The following ZNF793 variants were observed in gnomAD, a reference collection of about 807,000 sequenced individuals.
The protein encoded by ZNF793 is zinc finger protein 793.
A neutral mutation model predicts 12.4 loss-of-function variants in ZNF793; 5 were observed. The observed-to-expected ratio is 0.40, with a 90% CI of 0.21 to 0.84. The LOEUF is 0.84. Among genes scored for constraint, ZNF793 ranks in the 40% least tolerant of loss-of-function variants. The pLI is 0.35. For synonymous variants in ZNF793, 162 were observed against 172.4 expected (o/e 0.94, Z 0.47); for missense variants, 456 against 495.0 (o/e 0.92, Z 0.75).
intron 2 of ZNF793, among the ~76,000 whole-genome samples, chr19:37,518,630 C>CAAAA (rs61641247): frequency 1.2e-5 from 1 of 84,450 alleles, no homozygotes; most frequent in Non-Finnish European, 3.0e-5. Context: ...CCTGTCTCTA[C>CAAAA]AAAAAAAAAA....
chr19:37,522,361 C>A (rs2042382738), intron 3 of ZNF793, among the ~76,000 whole-genome samples, 171 bp from the exon 4 acceptor site: 2 of 151,970 alleles, frequency 1.3e-5, no homozygotes, highest in African/African-American at 4.8e-5. Flanking sequence ...GCACACCCGG[C>A]AAATTTTTGT....
Position 37,542,401 on chromosome 19 carries a change from AAAAG to A in ZNF793, c.*4526_*4529del, listed in dbSNP as rs1334535966. 3 of 366,964 alleles carry A rather than the reference AAAAG, an allele frequency of 8.2e-6. No homozygotes were observed. In the Admixed American group the frequency reaches 1.0e-4, roughly 12 times the overall value. 22.7% of individuals were successfully genotyped at this position (366,964 alleles called of 1,614,324 possible). A position where few individuals can be genotyped will look rare whatever the true frequency, so the allele number is the denominator to read the frequency against. Reference sequence around the variant, plus strand: ...GAGCAAAAAGATTCCATCTCAAAAGAAAAGAAAAGAAATCTGTTAATATTATTAA... The same window carrying A: ...GAGCAAAAAGATTCCATCTCAAAAGAAAAAGAAATCTGTTAATATTATTAA... On this transcript the variant is annotated 3_prime_UTR_variant, in exon 8 of 8. Coordinates refer to ENST00000627814, the MANE Select transcript of ZNF793 (RefSeq NM_001013659.3).
At chr19:37,506,683 A>G (rs573278243), upstream of ZNF793, 12 of 152,320 alleles carry the variant, frequency 7.9e-5, no homozygotes, top group Admixed American at 3.3e-4. Flanking sequence ...AAGAGCAGAG[A>G]CGACATCTCT....
chr19:37,529,416 G>T (rs1169062658), intron 5 of ZNF793, among the ~76,000 whole-genome samples: 1 of 151,820 alleles, frequency 6.6e-6, no homozygotes, highest in African/African-American at 2.4e-5. Context: ...CTTTAAAACT[G>T]CCTGTGAGTT....
In ZNF793 at chr19:37,537,967, A is replaced by G; in HGVS notation, c.*88A>G. On this transcript the variant is annotated 3_prime_UTR_variant, in exon 8 of 8. Transcript: ENST00000627814. ...CACTTTGTCACCCAGGCTGGAGTGC[A>G]GTGGCGCGATCTCGGCTTACTGCAA... 1 of 1,402,752 alleles carries G rather than the reference A, an allele frequency of 7.1e-7. No individual in the cohort carries two copies. Among genetic ancestry groups the G allele is most frequent in the Non-Finnish European group, 9.3e-7 (1 of 1,072,614 alleles). 86.9% of individuals were successfully genotyped at this position (1,402,752 alleles called of 1,614,324 possible). A position where few individuals can be genotyped will look rare whatever the true frequency, so the allele number is the denominator to read the frequency against.
At chr19:37,536,182 ATC>A (rs943696153) in intron 7 of ZNF793, 3 of 339,580 alleles carry the variant, frequency 8.8e-6, no homozygotes, top group Admixed American at 4.8e-5. Context: ...TTATTTTTTA[ATC>A]TGTTTCACCT....
intron 5 of ZNF793, among the ~76,000 whole-genome samples, chr19:37,525,854 CATT>C (rs2042411871): frequency 6.6e-6 from 1 of 152,180 alleles, no homozygotes; most frequent in Non-Finnish European, 1.5e-5. Context: ...AAATGACTGT[CATT>C]CTTCTTATAT....
chr19:37,525,058 G>A (rs758716768), intron 5 of ZNF793, among the ~76,000 whole-genome samples: 5 of 151,964 alleles, frequency 3.3e-5, no homozygotes, highest in African/African-American at 4.8e-5. Flanking sequence ...TGTTGCTTGC[G>A]ATCCACATAT....
intron 2 of ZNF793, among the ~76,000 whole-genome samples, chr19:37,517,829 TG>T (rs1370829780): frequency 6.6e-6 from 1 of 152,160 alleles, no homozygotes; most frequent in Non-Finnish European, 1.5e-5. Context: ...TGTGTGTGCT[TG>T]TTTTGATTTG....
intron 2 of ZNF793, among the ~76,000 whole-genome samples, chr19:37,513,539 G>C (rs1419766090): frequency 6.6e-6 from 1 of 152,208 alleles, no homozygotes; most frequent in East Asian, 1.9e-4. Context: ...ACTAGTTACA[G>C]AGAAACAGTT....
intron 2 of ZNF793, among the ~76,000 whole-genome samples, chr19:37,516,663 T>G (rs1248772278): frequency 2.6e-5 from 4 of 151,934 alleles, no homozygotes; most frequent in African/African-American, 9.7e-5. Context: ...TTTTCTTTTT[T>G]AAATTTTGAT....
chr19:37,536,583 T>G (rs1033864942), intron 7 of ZNF793: 1 of 407,474 alleles, frequency 2.5e-6, no homozygotes, highest in Non-Finnish European at 4.3e-6. Flanking sequence ...GGCGGGAGAG[T>G]TGAGTCATTG....
At position 37,532,497 on chromosome 19, in the gene ZNF793, A is replaced by T; in HGVS notation, c.142+15A>T. Reference sequence around the variant, plus strand: ...CGTCTCAGTGGGTAAGAACATCCTCACCATACAATGCAGATTATGTTCGAA... The same window carrying T: ...CGTCTCAGTGGGTAAGAACATCCTCTCCATACAATGCAGATTATGTTCGAA... On this transcript the variant is annotated intron_variant, in intron 6 of 7. Coordinates refer to ENST00000627814, the MANE Select transcript of ZNF793 (RefSeq NM_001013659.3). 1 of 1,586,202 alleles carries T rather than the reference A, an allele frequency of 6.3e-7. No homozygotes were observed. The highest frequency in any genetic ancestry group is 8.6e-7 in the Non-Finnish European group (1 of 1,167,008).
chr19:37,534,113 T>G (rs1008853486), intron 7 of ZNF793: 1 of 152,288 alleles, frequency 6.6e-6, no homozygotes, highest in Non-Finnish European at 1.5e-5. Context: ...CTTCTCCTCT[T>G]CTGAAAATTT....
intron 2 of ZNF793, among the ~76,000 whole-genome samples, chr19:37,517,046 A>C (rs944769548): frequency 6.6e-6 from 1 of 152,128 alleles, no homozygotes; most frequent in African/African-American, 2.4e-5. Context: ...GGGCTGAGGG[A>C]GGAAGGGAAC....
At chr19:37,524,346 A>G (rs2042397765) in intron 5 of ZNF793, among the ~76,000 whole-genome samples, 1 of 152,072 alleles carries the variant, frequency 6.6e-6, no homozygotes, top group African/African-American at 2.4e-5. Flanking sequence ...TAAACCAGAT[A>G]TGTAATGCTT....
Position 37,523,456 on chromosome 19 carries a change from T to A in ZNF793, c.15+2T>A, listed in dbSNP as rs1446399525. The stretch of plus-strand genomic sequence containing the variant: ...CAGCAGAAAATGATCGAATACCAGG[T>A]AAGTATCACATTAAGTAGCCCAGTT... On this transcript the variant is annotated splice_donor_variant, in intron 5 of 7. Transcript: ENST00000627814. LOFTEE classifies it high-confidence loss of function. 1 of 1,613,508 alleles carries A rather than the reference T, an allele frequency of 6.2e-7. No homozygotes were observed. The highest frequency in any genetic ancestry group is 1.3e-5 in the African/African-American group (1 of 74,902).
At chr19:37,528,783 C>T (rs763047609) in intron 5 of ZNF793, among the ~76,000 whole-genome samples, 1 of 152,180 alleles carries the variant, frequency 6.6e-6, no homozygotes, top group Non-Finnish European at 1.5e-5. Flanking sequence ...TCAGACTATT[C>T]CTCCTTTGGA....
At chr19:37,521,655 C>T (rs533406654) in intron 3 of ZNF793, among the ~76,000 whole-genome samples, 1 of 151,584 alleles carries the variant, frequency 6.6e-6, no homozygotes, top group Non-Finnish European at 1.5e-5. Flanking sequence ...GTTGGTCAGG[C>T]TTGTCTCGAA....
Sources: gnomAD v4.1 joint callset for allele counts (sites outside exome capture counted in the v4.1 genomes callset) on GRCh38, gnomAD v4.1.1 for gene constraint, MANE v1.5 for transcripts, NCBI Gene and HGNC (gene_info 2026-07-23, HGNC 2026-07-21) for gene names.